Variants in DAPK3 observed in about 807,000 individuals in gnomAD.
DAPK3 encodes death-associated protein kinase 3.
In DAPK3, 24 loss-of-function variants were observed where a neutral mutation model predicts 30.6. That is an observed-to-expected ratio of 0.78 (90% CI 0.57 to 1.10). The LOEUF (loss-of-function observed/expected upper bound fraction) is 1.10, where lower values mean the gene tolerates loss of function less well. DAPK3 is among the 50% of genes least tolerant of loss of function. The pLI, the probability that DAPK3 is intolerant of heterozygous loss-of-function variation, is 0.00. For missense variants in DAPK3, 629 were observed against 657.3 expected (o/e 0.96, Z 0.47); for synonymous variants, 341 against 284.0 (o/e 1.20, Z -2.02).
chr19:3,964,397 G>C, intron 3 of DAPK3, 24 bp from the exon 4 acceptor site: 1 of 1,602,510 alleles, frequency 6.2e-7, no homozygotes, highest in East Asian at 2.2e-5. Context: ...AGGCTCAGCA[G>C]GGAAAGCACG....
At chr19:3,967,295 CAA>C (rs577511977) in intron 2 of DAPK3, among the ~76,000 whole-genome samples, 2,870 of 151,624 alleles carry the variant, frequency 0.019, 38 homozygotes, top group Non-Finnish European at 0.028. Context: ...ACTAAAAATA[CAA>C]AAACATTAGC....
In DAPK3 at chr19:3,964,290, C is replaced by G; in HGVS notation, c.507G>C (p.Glu169Asp). The G allele has an allele frequency of 6.2e-7, 1 of 1,613,838 alleles. No homozygotes were observed. Among genetic ancestry groups the G allele is most frequent in the Non-Finnish European group, 8.5e-7 (1 of 1,179,738 alleles). Residue 169 changes from glutamate (E) to aspartate (D), a missense_variant, in exon 4 of 9, where the codon GAG (glutamate) becomes GAC (aspartate). Coordinates refer to ENST00000545797, the MANE Select transcript of DAPK3 (RefSeq NM_001348.3). ...AGATGTTCTTGAACTCGTTCCCCGCCTCGATCTTGTGCGCGATGCCGAAGT... is the reference window on the plus strand; with the variant it reads ...AGATGTTCTTGAACTCGTTCCCCGCGTCGATCTTGTGCGCGATGCCGAAGT... ...LIDFGIAHKI[E>D]AGNEFKNIFG...
chr19:3,961,439 C>A (rs767027646), intron 6 of DAPK3: 3 of 588,048 alleles, frequency 5.1e-6, no homozygotes, highest in Non-Finnish European at 1.0e-5. Flanking sequence ...ACGCAGAGCC[C>A]GAAAGCCCCC....
At chr19:3,967,990 T>C (rs1333526430) in intron 2 of DAPK3, among the ~76,000 whole-genome samples, 8 of 152,192 alleles carry the variant, frequency 5.3e-5, no homozygotes, top group Admixed American at 5.2e-4. Flanking sequence ...TTTTTAAAAT[T>C]ATGAATTTCT....
intron 6 of DAPK3, 85 bp from the exon 7 acceptor site, chr19:3,961,246 G>C: frequency 8.6e-7 from 1 of 1,157,832 alleles, no homozygotes; most frequent in East Asian, 2.4e-5. Flanking sequence ...GACAGGCGGA[G>C]CACAGAAGAC....
At chr19:3,960,822 A>C (rs961032431) in intron 7 of DAPK3, among the ~76,000 whole-genome samples, 187 bp downstream of exon 7, 29 of 150,974 alleles carry the variant, frequency 1.9e-4, no homozygotes, top group African/African-American at 6.3e-4. Flanking sequence ...AAAAAAAAAA[A>C]AACCATGGCA....
At chr19:3,961,679 G>A in intron 6 of DAPK3, 1 of 363,676 alleles carries the variant, frequency 2.7e-6, no homozygotes, top group South Asian at 2.0e-5. Context: ...CGTGGACTCA[G>A]ACGCCTTCTG....
rs199570126 is a variant in DAPK3, at chr19:3,961,056, G to A, written c.735C>T (p.Ser245=). ...DFDEEYFSNT[S]ELAKDFIRRL... is the part of the protein sequence containing the mutation. ...GGCGAATGAAGTCCTTGGCCAGCTCGCTGGTGTTGCTGAAGTACTCCTCGT... is the reference window on the plus strand; with the variant it reads ...GGCGAATGAAGTCCTTGGCCAGCTCACTGGTGTTGCTGAAGTACTCCTCGT... Residue 245 remains serine (S), a synonymous_variant, in exon 7 of 9, where the codon AGC becomes AGT. Transcript: ENST00000545797. 9.2e-5 allele frequency: 148 copies of A among 1,613,770 alleles called. 2 individuals carry two copies. The African/African-American group carries it at 1.3e-3, about 14-fold the overall frequency.
chr19:3,958,493 G>A lies in DAPK3; in HGVS notation c.*608C>T, dbSNP rs1184187080. The A allele has an allele frequency of 2.2e-6, 1 of 456,488 alleles. No homozygotes were observed. The highest frequency in any genetic ancestry group is 2.0e-5 in the African/African-American group (1 of 50,106). The allele number at this position is 456,488 out of a possible 1,614,324, so 28.3% of individuals were successfully genotyped here. On this transcript the variant is annotated 3_prime_UTR_variant, in exon 9 of 9. Transcript: ENST00000545797. ...ATTTTATTTCTCTTGGCTGCAGAGGGCCGCTCTTGCCTAGGCGTCCACAGG... is the reference window on the plus strand; with the variant it reads ...ATTTTATTTCTCTTGGCTGCAGAGGACCGCTCTTGCCTAGGCGTCCACAGG...
chr19:3,969,089 G>A (rs752612734), intron 2 of DAPK3, among the ~76,000 whole-genome samples: 1 of 151,862 alleles, frequency 6.6e-6, no homozygotes, highest in African/African-American at 2.4e-5. Flanking sequence ...CCAAGAGCTG[G>A]GCAAAAAAAC....
rs2039471813 is a variant in DAPK3, at chr19:3,959,090, C to A, written c.*11G>T. 1.3e-6 allele frequency: 2 copies of A among 1,485,340 alleles called. No individual in the cohort carries two copies. Among genetic ancestry groups the A allele is most frequent in the Non-Finnish European group, 8.9e-7 (1 of 1,118,674 alleles). The allele number at this position is 1,485,340 out of a possible 1,614,324, so 92.0% of individuals were successfully genotyped here. ...TCCGGCTGTCCTGGGGCCTGGCCCA[C>A]CCCACTGCGCCTAGCGCAGCCCGCA... On this transcript the variant is annotated 3_prime_UTR_variant, in exon 9 of 9. Coordinates refer to ENST00000545797, the MANE Select transcript of DAPK3 (RefSeq NM_001348.3).
intron 5 of DAPK3, 36 bp downstream of exon 5, chr19:3,963,835 G>A: frequency 1.4e-6 from 2 of 1,463,030 alleles, no homozygotes; most frequent in Non-Finnish European, 1.9e-6. Context: ...CTCCAGGAAT[G>A]CAGGGAGGCC....
At position 3,958,774 on chromosome 19, in the gene DAPK3, C is replaced by T; in HGVS notation, c.*327G>A. 2.0e-6 allele frequency: 1 copy of T among 501,014 alleles called. No individual in the cohort carries two copies. The allele number at this position is 501,014 out of a possible 1,614,324, so 31.0% of individuals were successfully genotyped here. The stretch of plus-strand genomic sequence containing the variant: ...ACCCTCCTCCGGGCCTGAACCAGGG[C>T]TGCATTCGGGCCGCCTCTGCGCCTC... On this transcript the variant is annotated 3_prime_UTR_variant, in exon 9 of 9. Coordinates refer to ENST00000545797, the MANE Select transcript of DAPK3 (RefSeq NM_001348.3).
chr19:3,959,620 G>T lies in DAPK3; in HGVS notation c.846C>A (p.Asn282Lys), dbSNP rs766719686. Reference sequence around the variant, plus strand: ...TGCGGCCGCTGTCCTCACCACGCACGTTCCGCCGCCGGATCGCCTAGGAAG... The same window carrying T: ...TGCGGCCGCTGTCCTCACCACGCACTTTCCGCCGCCGGATCGCCTAGGAAG... ...HSWIKAIRRR[N>K]VRGEDSGRKP... The change falls in exon 9 of 9, where the codon AAC becomes AAA. Residue 282 changes from asparagine (N) to lysine (K), a missense_variant. Transcript: ENST00000545797. The T allele has an allele frequency of 3.2e-6, 5 of 1,581,474 alleles. No individual in the cohort carries two copies. Among genetic ancestry groups the T allele is most frequent in the Non-Finnish European group, 4.3e-6 (5 of 1,170,742 alleles).
chr19:3,961,280 C>T, intron 6 of DAPK3, 119 bp from the exon 7 acceptor site: 1 of 807,328 alleles, frequency 1.2e-6, no homozygotes, highest in Non-Finnish European at 2.1e-6. Flanking sequence ...GTGCCTGGGC[C>T]ACTCACACTC....
chr19:3,963,481 G>C (rs545091982), intron 6 of DAPK3, among the ~76,000 whole-genome samples, 162 bp downstream of exon 6: 5 of 152,306 alleles, frequency 3.3e-5, no homozygotes, highest in African/African-American at 1.2e-4. Flanking sequence ...CTCTGTGACA[G>C]CAGCCACAGA....
rs755553344 is a variant in DAPK3 at position 3,963,681 on chromosome 19, C to A, written c.603-12G>T. ...TGACACCGATGCTCCTGGGGACAGACAAGAGGCAAGGGTCAGCGCAGCGTG... is the reference window on the plus strand; with the variant it reads ...TGACACCGATGCTCCTGGGGACAGAAAAGAGGCAAGGGTCAGCGCAGCGTG... On this transcript the variant is annotated splice_polypyrimidine_tract_variant and intron_variant, in intron 5 of 8. Transcript: ENST00000545797. The A allele has an allele frequency of 1.9e-5, 29 of 1,535,272 alleles. No homozygotes were observed. Among genetic ancestry groups the A allele is most frequent in the African/African-American group, 2.8e-5 (2 of 72,076 alleles).
chr19:3,964,973 C>A lies in DAPK3; in HGVS notation c.81G>T (p.Val27=), dbSNP rs1568193024. The A allele has an allele frequency of 4.4e-6, 7 of 1,606,516 alleles. No homozygotes were observed. The highest frequency in any genetic ancestry group is 1.7e-5 in the Admixed American group (1 of 59,982). ...EELGSGQFAI[V]RKCRQKGTGK... is the part of the protein sequence containing the mutation. ...CCGTGCCCTTCTGCCGGCACTTCCG[C>A]ACGATCGCAAACTGGCCGCTGGAGG... Residue 27 remains valine, a synonymous_variant, in exon 3 of 9, where the codon GTG becomes GTT. Transcript: ENST00000545797.
In DAPK3 at chr19:3,963,868, C is replaced by T; in HGVS notation, c.602+3G>A. 1 of 1,580,792 alleles carries T rather than the reference C, an allele frequency of 6.3e-7. No homozygotes were observed. Among genetic ancestry groups the T allele is most frequent in the Non-Finnish European group, 8.7e-7 (1 of 1,152,116 alleles). ...GCCCGGTGGGAGCAGGTGGTACACT[C>T]ACCACATGTCCGCCTCCAGGCCCAG... On this transcript the variant is annotated splice_donor_region_variant and intron_variant, in intron 5 of 8. Transcript: ENST00000545797.
Sources: allele counts gnomAD v4.1 joint callset (sites outside exome capture counted in the v4.1 genomes callset), GRCh38; gene constraint gnomAD v4.1.1; transcripts MANE v1.5; gene names NCBI Gene and HGNC (gene_info 2026-07-23, HGNC 2026-07-21).